FRY: variants seen among roughly 807,000 people sequenced by gnomAD.
FRY encodes the protein FRY microtubule binding protein.
A neutral mutation model predicts 348.4 loss-of-function variants in FRY; 128 were observed. That is an observed-to-expected ratio of 0.37 (90% CI 0.32 to 0.43). The LOEUF (loss-of-function observed/expected upper bound fraction) is 0.43. FRY is among the 20% of genes least tolerant of loss of function. The probability of loss-of-function intolerance (pLI) is 1.00; values close to 1 mark genes in which losing one functional copy is unlikely to be tolerated. For missense variants in FRY, 2,736 were observed against 3,695.2 expected, an observed-to-expected ratio of 0.74 and a Z score of 6.73; for synonymous variants, 1,370 against 1,374.7, an observed-to-expected ratio of 1.00 and a Z score of 0.08.
intron 16 of FRY, among the ~76,000 whole-genome samples, chr13:32,159,464 AAAAG>A (rs371740650): frequency 2.6e-5 from 4 of 152,206 alleles, no homozygotes; most frequent in African/African-American, 9.6e-5. Context: ...CTAGTACAAA[AAAAG>A]AAAGAAAGGA....
At chr13:32,168,979 C>G (rs1432751600) in intron 17 of FRY, among the ~76,000 whole-genome samples, 1 of 152,182 alleles carries the variant, frequency 6.6e-6, no homozygotes, top group Non-Finnish European at 1.5e-5. Flanking sequence ...TGGCTCTTCC[C>G]TTTGTTAACT....
intron 16 of FRY, among the ~76,000 whole-genome samples, chr13:32,159,069 T>G (rs2138172492): frequency 6.6e-6 from 1 of 151,536 alleles, no homozygotes; most frequent in South Asian, 2.1e-4. Flanking sequence ...AAAAGGTACA[T>G]GTTTAAATGT....
intron 44 of FRY, among the ~76,000 whole-genome samples, chr13:32,238,260 G>A (rs1886317568): frequency 1.3e-5 from 2 of 151,816 alleles, no homozygotes; most frequent in Non-Finnish European, 1.5e-5. Flanking sequence ...AACTGCAGGT[G>A]CTGTTAGTTT....
At chr13:32,117,584 T>C in intron 4 of FRY, 111 bp downstream of exon 4, 1 of 1,124,924 alleles carries the variant, frequency 8.9e-7, no homozygotes, top group South Asian at 1.3e-5. Flanking sequence ...TTCACAAGGA[T>C]GCCTAGCAGG....
chr13:32,224,452 A>G, intron 37 of FRY, 67 bp downstream of exon 37: 3 of 1,452,196 alleles, frequency 2.1e-6, no homozygotes, highest in Non-Finnish European at 2.9e-6. Flanking sequence ...ATGACAAGAG[A>G]AAAACCTAGT....
chr13:32,257,715 A>G (rs1198297674), intron 51 of FRY, among the ~76,000 whole-genome samples: 3 of 152,214 alleles, frequency 2.0e-5, no homozygotes, highest in Non-Finnish European at 4.4e-5. Flanking sequence ...TGTAATAATG[A>G]TTTGTTATCC....
chr13:32,294,400 A>G lies in FRY; in HGVS notation c.8613A>G (p.Leu2871=), dbSNP rs1889525391. The change falls in exon 60 of 61, where the codon CTA becomes CTG. Residue 2871 remains leucine (L), a synonymous_variant. Coordinates refer to ENST00000542859, the MANE Select transcript of FRY (RefSeq NM_023037.3). ...ATATGTCCAGGGAACTGAGTGACCT[A>G]AAGAAACACCTGAAGGAAGCCAGTG... ...LLNMSRELSD[L]KKHLKEASAV... 3.1e-6 allele frequency: 5 copies of G among 1,613,910 alleles called. No homozygotes were observed. The highest frequency in any genetic ancestry group is 4.2e-6 in the Non-Finnish European group (5 of 1,179,826).
rs1427773019 is a variant in FRY at position 32,161,220 on chromosome 13, T to C, written c.1861T>C (p.Ser621Pro). 1.9e-6 allele frequency: 3 copies of C among 1,611,724 alleles called. No homozygotes were observed. The African/African-American group carries it at 4.0e-5, about 22-fold the overall frequency. Residue 621 changes from serine to proline, a missense_variant, in exon 17 of 61, where the codon TCA (serine) becomes CCA (proline). By Grantham distance (74) the Ser-to-Pro change is moderately conservative. This residue lies in a region of FRY where 191 missense variants were observed against 370.2 expected (regional missense o/e 0.52). Coordinates refer to ENST00000542859, the MANE Select transcript of FRY (RefSeq NM_023037.3). ...AIPRLLPDGM[S>P]KLELIDLLAR... ...TCCTCGACTGCTTCCTGATGGGATG[T>C]CAAAACTTGAACTTATTGACTTACT...
At position 32,208,887 on chromosome 13, in the gene FRY, C is replaced by A. The variant is rs187526864; in HGVS notation, c.4053C>A (p.Asn1351Lys). ...VSQRFPTTHP[N>K]GRQIMLTYLL... The stretch of plus-strand genomic sequence containing the variant: ...AGCGATTCCCCACAACACACCCCAA[C>A]GGGCGCCAGATCATGCTTACCTACC... Residue 1351 changes from asparagine (N) to lysine (K), a missense_variant, in exon 32 of 61, where the codon AAC (asparagine) becomes AAA (lysine). Transcript: ENST00000542859. The A allele has an allele frequency of 1.9e-6, 3 of 1,614,166 alleles. No homozygotes were observed. Among genetic ancestry groups the A allele is most frequent in the Non-Finnish European group, 2.5e-6 (3 of 1,180,018 alleles).
At chr13:32,137,825 C>T (rs544255431) in intron 11 of FRY, among the ~76,000 whole-genome samples, 15 of 152,150 alleles carry the variant, frequency 9.9e-5, no homozygotes, top group Non-Finnish European at 1.8e-4. Flanking sequence ...TGCTTATACA[C>T]GTTACCTTTT....
chr13:32,133,655 G>A (rs913694861), intron 8 of FRY, among the ~76,000 whole-genome samples: 9 of 150,636 alleles, frequency 6.0e-5, no homozygotes, highest in Non-Finnish European at 1.3e-4. Flanking sequence ...TTTAGGGATT[G>A]TTTTTGGCAA....
intron 50 of FRY, 104 bp from the exon 51 acceptor site, chr13:32,254,107 CTGAAGGAATTAGG>C: frequency 1.1e-6 from 1 of 920,020 alleles, no homozygotes; most frequent in Admixed American, 1.7e-5. Context: ...AAAATACCCA[CTGAAGGAATTAGG>C]TGTGTACTGG....
At chr13:32,212,857 C>A (rs1009631985) in intron 35 of FRY, among the ~76,000 whole-genome samples, 1 of 152,100 alleles carries the variant, frequency 6.6e-6, no homozygotes, top group Non-Finnish European at 1.5e-5. Flanking sequence ...AAAAAGTCTC[C>A]GTTCCCTCCA....
At chr13:32,248,122 G>T (rs1020200425) in intron 48 of FRY, among the ~76,000 whole-genome samples, 4 of 152,134 alleles carry the variant, frequency 2.6e-5, no homozygotes, top group African/African-American at 9.7e-5. Context: ...AAATAACTTT[G>T]CTTTCACATC....
At chr13:32,071,152 TC>T (rs1874630113) in intron 1 of FRY, among the ~76,000 whole-genome samples, 1 of 152,236 alleles carries the variant, frequency 6.6e-6, no homozygotes, top group Admixed American at 6.5e-5. Context: ...ACATGATGCC[TC>T]CAGCTTTGTT....
chr13:32,112,875 A>G (rs904837565), intron 3 of FRY, among the ~76,000 whole-genome samples: 1 of 152,254 alleles, frequency 6.6e-6, no homozygotes, highest in African/African-American at 2.4e-5. Context: ...GAATGTAAGC[A>G]ATTAAGAGTG....
At chr13:32,034,362 G>A (rs923230410) in intron 1 of FRY, among the ~76,000 whole-genome samples, 15 of 152,134 alleles carry the variant, frequency 9.9e-5, no homozygotes, top group African/African-American at 2.4e-4. Context: ...TAGATCAGTC[G>A]CTGGCTAGTG....
At chr13:32,205,840 A>G (rs812840) in intron 31 of FRY, among the ~76,000 whole-genome samples, 68,867 of 151,400 alleles carry the variant, frequency 0.45, 16,001 homozygotes, top group African/African-American at 0.52. Flanking sequence ...GTTAAGAAAC[A>G]ATGGCAATAG....
chr13:32,189,037 G>A (rs1256046680), intron 28 of FRY, among the ~76,000 whole-genome samples: 1 of 152,034 alleles, frequency 6.6e-6, no homozygotes, highest in Non-Finnish European at 1.5e-5. Context: ...GGTATGGATG[G>A]TCTACCACTG....
Sources: allele counts gnomAD v4.1 joint callset (sites outside exome capture counted in the v4.1 genomes callset), GRCh38; gene constraint gnomAD v4.1.1; regional missense constraint gnomAD v4.1.1; transcripts MANE v1.5; gene names NCBI Gene and HGNC (gene_info 2026-07-23, HGNC 2026-07-21).